DOK6: variants seen among roughly 807,000 people sequenced by gnomAD.
DOK6 encodes the protein docking protein 6, also known as downstream of tyrosine kinase 6.
DOK6 carries 22 observed loss-of-function variants against 44.0 expected under a neutral mutation model. That is an observed-to-expected ratio of 0.50 (90% CI 0.36 to 0.71). DOK6 has a LOEUF of 0.71. Ranked by LOEUF, DOK6 falls within the 30% of genes least tolerant of loss-of-function variation. The probability of loss-of-function intolerance (pLI) is 0.00; values close to 1 mark genes in which losing one functional copy is unlikely to be tolerated. For missense variants in DOK6, 340 were observed against 416.4 expected, an observed-to-expected ratio of 0.82 and a Z score of 1.60; for synonymous variants, 166 against 145.5, an observed-to-expected ratio of 1.14 and a Z score of -1.01.
intron 5 of DOK6, among the ~76,000 whole-genome samples, chr18:69,702,367 A>G (rs1037521088): frequency 6.6e-6 from 1 of 152,132 alleles, no homozygotes; most frequent in Non-Finnish European, 1.5e-5. Context: ...TGGTCCTAAA[A>G]CATTTCTTGA....
intron 7 of DOK6, among the ~76,000 whole-genome samples, chr18:69,806,308 A>G (rs1599335565): frequency 1.3e-5 from 2 of 152,050 alleles, no homozygotes; most frequent in South Asian, 4.1e-4. Flanking sequence ...AACAAAATAT[A>G]AAAATGTTCA....
intron 1 of DOK6, among the ~76,000 whole-genome samples, chr18:69,406,003 T>C (rs1916200109): frequency 6.6e-6 from 1 of 152,274 alleles, no homozygotes; most frequent in African/African-American, 2.4e-5. Context: ...TTATCATTTG[T>C]ATATTTATCA....
chr18:69,419,960 A>G (rs547434069), intron 1 of DOK6, among the ~76,000 whole-genome samples: 1 of 152,312 alleles, frequency 6.6e-6, no homozygotes, highest in African/African-American at 2.4e-5. Flanking sequence ...TGCAATGTAA[A>G]GCCTGTAATT....
At chr18:69,635,793 A>G (rs552784849) in intron 3 of DOK6, among the ~76,000 whole-genome samples, 6 of 152,312 alleles carry the variant, frequency 3.9e-5, no homozygotes, top group Non-Finnish European at 5.9e-5. Context: ...AGCATCTCCA[A>G]CCCTAAGAAA....
At chr18:69,743,132 T>C (rs1218628229) in intron 6 of DOK6, among the ~76,000 whole-genome samples, 1 of 152,230 alleles carries the variant, frequency 6.6e-6, no homozygotes, top group African/African-American at 2.4e-5. Flanking sequence ...AGTCTAATTT[T>C]AAAAGAGTTT....
intron 1 of DOK6, among the ~76,000 whole-genome samples, chr18:69,516,050 G>T (rs755612736): frequency 6.6e-6 from 1 of 152,140 alleles, no homozygotes; most frequent in Non-Finnish European, 1.5e-5. Flanking sequence ...CATTATTTAA[G>T]TTTCTATTTC....
chr18:69,607,258 C>T (rs969064441), intron 3 of DOK6, among the ~76,000 whole-genome samples: 1 of 152,092 alleles, frequency 6.6e-6, no homozygotes, highest in Non-Finnish European at 1.5e-5. Flanking sequence ...TACTTTGTTG[C>T]CTTTGAAACA....
intron 2 of DOK6, among the ~76,000 whole-genome samples, chr18:69,585,520 T>A (rs886409958): frequency 6.6e-6 from 1 of 152,232 alleles, no homozygotes; most frequent in Non-Finnish European, 1.5e-5. Context: ...AACCGTTTTT[T>A]AATTTCATAT....
At chr18:69,736,125 T>C (rs1978596928) in intron 5 of DOK6, among the ~76,000 whole-genome samples, 3 of 152,110 alleles carry the variant, frequency 2.0e-5, no homozygotes, top group Non-Finnish European at 4.4e-5. Flanking sequence ...CTCAAAAGCC[T>C]CAGAAGCAAT....
intron 6 of DOK6, among the ~76,000 whole-genome samples, chr18:69,744,095 G>C (rs915281030): frequency 2.6e-5 from 4 of 152,234 alleles, no homozygotes; most frequent in Middle Eastern, 3.4e-3. Flanking sequence ...TGGATCACCT[G>C]AGGTCAGGAG....
chr18:69,410,455 G>A (rs1828023704), intron 1 of DOK6, among the ~76,000 whole-genome samples: 3 of 152,300 alleles, frequency 2.0e-5, no homozygotes, highest in Admixed American at 6.5e-5. Flanking sequence ...TCTAAACTGC[G>A]AATTACACTG....
chr18:69,748,228 C>G (rs139996775), intron 6 of DOK6, among the ~76,000 whole-genome samples: 1 of 151,958 alleles, frequency 6.6e-6, no homozygotes. Flanking sequence ...ATACAGGGCA[C>G]CCAGATTCAT....
At chr18:69,527,857 C>T (rs1206434012) in intron 1 of DOK6, among the ~76,000 whole-genome samples, 2 of 152,090 alleles carry the variant, frequency 1.3e-5, no homozygotes, top group African/African-American at 2.4e-5. Context: ...ATAAAGGTTA[C>T]TTCCCAGTAA....
At chr18:69,809,042 A>C (rs1045234864) in intron 7 of DOK6, among the ~76,000 whole-genome samples, 4 of 151,882 alleles carry the variant, frequency 2.6e-5, no homozygotes, top group Non-Finnish European at 5.9e-5. Context: ...TCCTCAACAG[A>C]AAACTAGCAA....
At chr18:69,462,163 T>C (rs1171403661) in intron 1 of DOK6, among the ~76,000 whole-genome samples, 1 of 152,202 alleles carries the variant, frequency 6.6e-6, no homozygotes, top group Non-Finnish European at 1.5e-5. Flanking sequence ...ATGCCATTGA[T>C]TAGATCATAT....
intron 6 of DOK6, among the ~76,000 whole-genome samples, chr18:69,755,945 G>A (rs1267074292): frequency 6.6e-6 from 1 of 152,220 alleles, no homozygotes; most frequent in East Asian, 1.9e-4. Context: ...TTGAACACAA[G>A]GCCACCACAC....
intron 6 of DOK6, 186 bp downstream of exon 6, chr18:69,739,289 G>A: frequency 1.4e-6 from 1 of 699,412 alleles, no homozygotes; most frequent in Non-Finnish European, 2.2e-6. Flanking sequence ...AGAAGTTATT[G>A]TGGCCACCAA....
chr18:69,687,300 T>C (rs1405227242), intron 4 of DOK6, among the ~76,000 whole-genome samples: 1 of 152,142 alleles, frequency 6.6e-6, no homozygotes, highest in East Asian at 1.9e-4. Flanking sequence ...CCATGAAGGG[T>C]GAAAAATTAT....
chr18:69,499,331 C>T (rs1207446132), intron 1 of DOK6, among the ~76,000 whole-genome samples: 1 of 151,724 alleles, frequency 6.6e-6, no homozygotes, highest in African/African-American at 2.4e-5. Context: ...AAATAGAAAA[C>T]TGTTTTTAAC....
Sources: gnomAD v4.1 joint callset for allele counts (sites outside exome capture counted in the v4.1 genomes callset) on GRCh38, gnomAD v4.1.1 for gene constraint, MANE v1.5 for transcripts, NCBI Gene and HGNC (gene_info 2026-07-23, HGNC 2026-07-21) for gene names.